The following SGIP1 variants were observed in gnomAD, a reference collection of about 807,000 sequenced individuals.
The protein encoded by SGIP1 is SH3GL interacting endocytic adaptor 1.
Under a neutral mutation model 107.5 loss-of-function variants are expected in SGIP1, and 38 were observed. The observed-to-expected ratio is 0.35, with a 90% confidence interval of 0.27 to 0.46. The LOEUF (loss-of-function observed/expected upper bound fraction) is 0.46, where lower values mean the gene tolerates loss of function less well. SGIP1 is among the 20% of genes least tolerant of loss of function. The pLI, the probability that SGIP1 is intolerant of heterozygous loss-of-function variation, is 1.00. For missense variants in SGIP1, 929 were observed against 1,019.5 expected (o/e 0.91, Z 1.21); for synonymous variants, 365 against 366.1 (o/e 1.00, Z 0.03).
At position 66,733,753 on chromosome 1, in the gene SGIP1, A is replaced by G; in HGVS notation, c.1904A>G (p.Asn635Ser). The change falls in exon 21 of 25, where the codon AAT (asparagine) becomes AGT (serine). Residue 635 changes from asparagine to serine, a missense_variant. Physicochemically the swap from Asn to Ser is conservative, Grantham distance 46. Transcript: ENST00000371037. ...TTTTCTTCCCAAATGAACAGTGATAATACACAAAATGATGCCAATACCAAG... is the reference window on the plus strand; with the variant it reads ...TTTTCTTCCCAAATGAACAGTGATAGTACACAAAATGATGCCAATACCAAG... ...LPNPQLLCCD[N>S]TQNDANTKEF... The G allele has an allele frequency of 2.5e-6, 4 of 1,612,688 alleles. No homozygotes were observed. Among genetic ancestry groups the G allele is most frequent in the Non-Finnish European group, 3.4e-6 (4 of 1,179,302 alleles).
At chr1:66,684,150 T>C in intron 15 of SGIP1, 1 of 1,550,622 alleles carries the variant, frequency 6.4e-7, no homozygotes, top group Non-Finnish European at 8.7e-7. Context: ...TTTGCCCAAG[T>C]TTACAAGCTG....
rs534268390 is a variant in SGIP1 at position 66,665,429 on chromosome 1, C to T, written c.472-2101C>T. 6.0e-4 allele frequency among the ~76,000 whole-genome samples: 91 copies of T among 152,324 alleles called. 1 individual carries two copies. Among genetic ancestry groups the T allele is most frequent in the African/African-American group, 2.1e-3 (87 of 41,576 alleles). Reference sequence around the variant, plus strand: ...CTATTGTGAATAGTGCCACAATAAACATACGTGTGCATGTGTCTTTATAGC... The same window carrying T: ...CTATTGTGAATAGTGCCACAATAAATATACGTGTGCATGTGTCTTTATAGC... On this transcript the variant is annotated intron_variant, in intron 8 of 24. Coordinates refer to ENST00000371037, the MANE Select transcript of SGIP1 (RefSeq NM_032291.4).
intron 18 of SGIP1, among the ~76,000 whole-genome samples, chr1:66,709,962 C>A (rs1032516151): frequency 5.3e-5 from 8 of 151,864 alleles, no homozygotes; most frequent in African/African-American, 1.9e-4. Flanking sequence ...GCAGCATGCA[C>A]ACACACAATT....
Position 66,748,690 on chromosome 1 carries a change from A to G in SGIP1, c.*5595A>G, listed in dbSNP as rs891275806. Among the ~76,000 whole-genome samples, 3 of 151,986 alleles carry G rather than the reference A, an allele frequency of 2.0e-5. No individual in the cohort carries two copies. Among genetic ancestry groups the G allele is most frequent in the African/African-American group, 4.8e-5 (2 of 41,432 alleles). ...TGGCAAAAAACAAATATATTTTTAAATGTCCCGTAATGTTTTAAAGAAAAG... is the reference window on the plus strand; with the variant it reads ...TGGCAAAAAACAAATATATTTTTAAGTGTCCCGTAATGTTTTAAAGAAAAG... On this transcript the variant is annotated 3_prime_UTR_variant, in exon 25 of 25. Coordinates refer to ENST00000371037, the MANE Select transcript of SGIP1 (RefSeq NM_032291.4).
At chr1:66,586,269 T>A (rs908824830) in intron 1 of SGIP1, among the ~76,000 whole-genome samples, 1 of 152,184 alleles carries the variant, frequency 6.6e-6, no homozygotes, top group Non-Finnish European at 1.5e-5. Flanking sequence ...TATAGATGGG[T>A]CATATTTTTA....
At chr1:66,647,463 G>C (rs2077854481) in intron 7 of SGIP1, among the ~76,000 whole-genome samples, 2 of 152,126 alleles carry the variant, frequency 1.3e-5, no homozygotes, top group African/African-American at 4.8e-5. Flanking sequence ...AACATTCGGG[G>C]TTTTATTACT....
intron 20 of SGIP1, among the ~76,000 whole-genome samples, chr1:66,732,064 C>A (rs1489019064): frequency 6.6e-6 from 1 of 152,134 alleles, no homozygotes; most frequent in African/African-American, 2.4e-5. Flanking sequence ...TTATCACAGA[C>A]CTATGACAGC....
At chr1:66,616,824 A>T (rs1162877699) in intron 1 of SGIP1, among the ~76,000 whole-genome samples, 1 of 152,130 alleles carries the variant, frequency 6.6e-6, no homozygotes, top group Non-Finnish European at 1.5e-5. Context: ...TTTTAAAGTC[A>T]TTTTTAGCCC....
In SGIP1 at chr1:66,660,153, AAGAAAGAAAG is replaced by A. The variant is rs1323056760; in HGVS notation, c.460-358_460-349del. The A allele has an allele frequency of 5.1e-5, 2 of 39,046 alleles. 1 individual carries two copies. The highest frequency in any genetic ancestry group is 3.0e-4 in the African/African-American group (2 of 6,618). 2.4% of individuals were successfully genotyped at this position (39,046 alleles called of 1,614,324 possible). On this transcript the variant is annotated intron_variant, in intron 7 of 24. Transcript: ENST00000371037. Reference sequence around the variant, plus strand: ...GAAAGAAAGAAAGAAGAGAGAAAGAAAGAAAGAAAGAAAGAAAGAAAGAAAGAAAGAAAGA... The same window carrying A: ...GAAAGAAAGAAAGAAGAGAGAAAGAAAAAGAAAGAAAGAAAGAAAGAAAGA...
chr1:66,657,820 GC>G (rs1173420362), intron 7 of SGIP1, among the ~76,000 whole-genome samples: 1 of 152,140 alleles, frequency 6.6e-6, no homozygotes, highest in African/African-American at 2.4e-5. Context: ...TTACAAGTAA[GC>G]CCAGAGGAAT....
At position 66,743,218 on chromosome 1, in the gene SGIP1, A is replaced by T; in HGVS notation, c.*123A>T. 1 of 936,108 alleles carries T rather than the reference A, an allele frequency of 1.1e-6. No homozygotes were observed. The highest frequency in any genetic ancestry group is 1.7e-6 in the Non-Finnish European group (1 of 605,672). The allele number at this position is 936,108 out of a possible 1,614,324, so 58.0% of individuals were successfully genotyped here. A position where few individuals can be genotyped will look rare whatever the true frequency, so the allele number is the denominator to read the frequency against. Reference sequence around the variant, plus strand: ...TGCACTTGGGATATATCAGGTGGAAAGTCAATGACTTTCATCTGTGATTTC... The same window carrying T: ...TGCACTTGGGATATATCAGGTGGAATGTCAATGACTTTCATCTGTGATTTC... On this transcript the variant is annotated 3_prime_UTR_variant, in exon 25 of 25. Transcript: ENST00000371037.
chr1:66,685,098 G>A (rs564122334), intron 15 of SGIP1, among the ~76,000 whole-genome samples: 1 of 152,158 alleles, frequency 6.6e-6, no homozygotes, highest in South Asian at 2.1e-4. Context: ...TGAAACAATA[G>A]GGTATGGCCT....
intron 19 of SGIP1, among the ~76,000 whole-genome samples, chr1:66,728,600 G>C (rs769478928): frequency 3.3e-5 from 5 of 152,086 alleles, no homozygotes; most frequent in African/African-American, 1.2e-4. Flanking sequence ...TCCCATTACC[G>C]GTTATATTCC....
intron 3 of SGIP1, chr1:66,634,302 C>G: frequency 1.5e-6 from 1 of 670,270 alleles, no homozygotes; most frequent in Non-Finnish European, 2.6e-6. Flanking sequence ...ATTGCTATTC[C>G]TTGCTTCTCT....
intron 1 of SGIP1, among the ~76,000 whole-genome samples, chr1:66,549,685 T>C (rs982128580): frequency 1.3e-5 from 2 of 152,146 alleles, no homozygotes; most frequent in Non-Finnish European, 2.9e-5. Flanking sequence ...CCCCAGAACT[T>C]GCTACAAGAT....
rs540147825 is a variant in SGIP1 at position 66,741,606 on chromosome 1, T to G, written c.2464+170T>G. 2.0e-5 allele frequency among the ~76,000 whole-genome samples: 3 copies of G among 152,204 alleles called. No homozygotes were observed. In the South Asian group the frequency reaches 6.2e-4, roughly 32 times the overall value. On this transcript the variant is annotated intron_variant, in intron 24 of 24. Transcript: ENST00000371037. ...ATTGAATGAAGTAGAAATAGGACAA[T>G]GCACTAGAAATCAGAAGTCAGGAGG...
chr1:66,695,653 A>G (rs1474422983), intron 18 of SGIP1, among the ~76,000 whole-genome samples, 160 bp downstream of exon 18: 1 of 152,254 alleles, frequency 6.6e-6, no homozygotes, highest in Non-Finnish European at 1.5e-5. Context: ...TAAAGGAAAT[A>G]TTACATGAAT....
chr1:66,657,556 A>T (rs1312269394), intron 7 of SGIP1, among the ~76,000 whole-genome samples: 8 of 152,208 alleles, frequency 5.3e-5, no homozygotes. Flanking sequence ...GCATTTTACC[A>T]TGTTATTTGG....
At chr1:66,742,460 C>CTTTCTTTTTTTTTTT (rs2094478863) in intron 24 of SGIP1, among the ~76,000 whole-genome samples, 1 of 45,104 alleles carries the variant, frequency 2.2e-5, no homozygotes, top group African/African-American at 9.9e-5. Flanking sequence ...AGCACCCTTT[C>CTTTCTTTTTTTTTTT]TTTTTTTTTT....
Sources: gnomAD v4.1 joint callset for allele counts (sites outside exome capture counted in the v4.1 genomes callset) on GRCh38, gnomAD v4.1.1 for gene constraint, MANE v1.5 for transcripts, NCBI Gene and HGNC (gene_info 2026-07-23, HGNC 2026-07-21) for gene names.